PPP2R2A: variants seen among roughly 807,000 people sequenced by gnomAD.
PPP2R2A encodes serine/threonine-protein phosphatase 2A 55 kDa regulatory subunit B alpha isoform.
Under a neutral mutation model 53.2 loss-of-function variants are expected in PPP2R2A, and 9 were observed. The ratio of observed to expected loss-of-function variants is 0.17; its 90% CI spans 0.10 to 0.30. The LOEUF (loss-of-function observed/expected upper bound fraction) is 0.30. Among genes scored for constraint, PPP2R2A ranks in the 10% least tolerant of loss-of-function variants. The probability of loss-of-function intolerance (pLI) is 1.00; values close to 1 mark genes in which losing one functional copy is unlikely to be tolerated. For synonymous variants in PPP2R2A, 169 were observed against 174.2 expected, an observed-to-expected ratio of 0.97 and a Z score of 0.23; for missense variants, 235 against 534.6, an observed-to-expected ratio of 0.44 and a Z score of 5.53.
intron 1 of PPP2R2A, 60 bp from the exon 2 acceptor site, chr8:26,293,606 T>A: frequency 6.7e-7 from 1 of 1,499,538 alleles, no homozygotes; most frequent in Non-Finnish European, 9.2e-7. Context: ...ACCATCTTTG[T>A]GTTTACGAGA....
At chr8:26,327,626 C>T (rs1426051470) in intron 2 of PPP2R2A, among the ~76,000 whole-genome samples, 1 of 152,174 alleles carries the variant, frequency 6.6e-6, no homozygotes, top group Admixed American at 6.5e-5. Context: ...AAAAGAGCGT[C>T]GTAGTGGTCT....
rs1392921524 is a variant in PPP2R2A at position 26,291,772 on chromosome 8, A to T, written c.-48A>T. On this transcript the variant is annotated 5_prime_UTR_variant, in exon 1 of 10. Transcript: ENST00000380737. ...CCCAGGTGAGGGGGGTGAGTTCAGG[A>T]AGCGGAGACCCCGAGGAACCCAGCA... The T allele has an allele frequency of 6.3e-7, 1 of 1,578,120 alleles. No individual in the cohort carries two copies.
intron 2 of PPP2R2A, among the ~76,000 whole-genome samples, chr8:26,305,352 C>CTAGTCTTTTTA (rs1767271190): frequency 6.6e-6 from 1 of 152,056 alleles, no homozygotes; most frequent in Non-Finnish European, 1.5e-5. Context: ...TCTCGAGCTC[C>CTAGTCTTTTTA]TAGTCTTTTT....
rs891669396 is a variant in PPP2R2A, at chr8:26,362,512, A to G, written c.638-172A>G. Reference sequence around the variant, plus strand: ...AGAGTGAAACTCCGTCTAAATAAAAATTAAAAAAAAAAGTTTTAATCCCTT... The same window carrying G: ...AGAGTGAAACTCCGTCTAAATAAAAGTTAAAAAAAAAAGTTTTAATCCCTT... On this transcript the variant is annotated intron_variant, in intron 6 of 9. Transcript: ENST00000380737. This position sits in a 1 kb window ranked among gnomAD's most constrained non-coding sequence, Gnocchi z 4.4. Among the ~76,000 whole-genome samples the G allele has an allele frequency of 6.6e-6, 1 of 152,078 alleles. No homozygotes were observed. Among genetic ancestry groups the G allele is most frequent in the Non-Finnish European group, 1.5e-5 (1 of 68,006 alleles).
At chr8:26,319,467 T>C (rs1416307805) in intron 2 of PPP2R2A, among the ~76,000 whole-genome samples, 1 of 128,798 alleles carries the variant, frequency 7.8e-6, no homozygotes, top group Non-Finnish European at 1.9e-5. Flanking sequence ...CACTTTCTAC[T>C]TTTTTTATAA....
At chr8:26,339,480 T>C (rs1803833304) in intron 3 of PPP2R2A, among the ~76,000 whole-genome samples, 1 of 152,214 alleles carries the variant, frequency 6.6e-6, no homozygotes, top group South Asian at 2.1e-4. Flanking sequence ...CAGTTGCATG[T>C]ACATGCATGT....
At chr8:26,359,408 G>C (rs964159316) in intron 4 of PPP2R2A, among the ~76,000 whole-genome samples, 2 of 152,186 alleles carry the variant, frequency 1.3e-5, no homozygotes, top group African/African-American at 4.8e-5. Context: ...CCATGGTTGC[G>C]TAAGATGTTG....
intron 3 of PPP2R2A, among the ~76,000 whole-genome samples, chr8:26,344,586 T>TAGAA (rs1219398103): frequency 6.6e-6 from 1 of 152,228 alleles, no homozygotes; most frequent in African/African-American, 2.4e-5. Flanking sequence ...GCCTTGGTTC[T>TAGAA]AGTCCTGGTA....
chr8:26,327,432 G>A (rs1402976555), intron 2 of PPP2R2A, among the ~76,000 whole-genome samples: 1 of 152,194 alleles, frequency 6.6e-6, no homozygotes, highest in Non-Finnish European at 1.5e-5. Flanking sequence ...GAACAGATGA[G>A]TAGGTCAAGC....
chr8:26,328,264 A>G (rs962070404), intron 2 of PPP2R2A, among the ~76,000 whole-genome samples: 1 of 152,300 alleles, frequency 6.6e-6, no homozygotes, highest in Non-Finnish European at 1.5e-5. Context: ...TTCTCAATAT[A>G]TTTATACTTC....
rs1481491495 is a variant in PPP2R2A, at chr8:26,321,124, C to T, written c.83-17766C>T. Among the ~76,000 whole-genome samples the T allele has an allele frequency of 6.6e-5, 10 of 152,136 alleles. No individual in the cohort carries two copies. Among genetic ancestry groups the T allele is most frequent in the African/African-American group, 1.2e-4 (5 of 41,414 alleles). ...AGGAAACAGTACAAACAAGAAACAT[C>T]GTGAGAGAAGGCCTTAGTGTTCATT... On this transcript the variant is annotated intron_variant, in intron 2 of 9. Coordinates refer to ENST00000380737, the MANE Select transcript of PPP2R2A (RefSeq NM_002717.4). This position sits in a 1 kb window ranked among gnomAD's most constrained non-coding sequence, Gnocchi z 4.1.
intron 1 of PPP2R2A, chr8:26,293,195 T>C: frequency 6.6e-7 from 1 of 1,526,568 alleles, no homozygotes; most frequent in Non-Finnish European, 8.8e-7. Flanking sequence ...TTGCTGTGTG[T>C]GCACTTTGGT....
intron 3 of PPP2R2A, among the ~76,000 whole-genome samples, chr8:26,349,251 G>T (rs1037648057): frequency 6.6e-6 from 1 of 151,156 alleles, no homozygotes; most frequent in African/African-American, 2.4e-5. Flanking sequence ...TGTGTGTTTT[G>T]TTGGGGATTT....
chr8:26,307,684 A>G (rs1255879584), intron 2 of PPP2R2A, among the ~76,000 whole-genome samples: 1 of 152,238 alleles, frequency 6.6e-6, no homozygotes, highest in Admixed American at 6.5e-5. Context: ...AACTTTGATT[A>G]TAAATGTCTG....
chr8:26,344,192 TCTTA>T (rs1804094999), intron 3 of PPP2R2A, among the ~76,000 whole-genome samples: 2 of 152,218 alleles, frequency 1.3e-5, no homozygotes, highest in South Asian at 4.1e-4. Flanking sequence ...GATCCCTAAA[TCTTA>T]CTTAATCATC....
At chr8:26,331,591 A>T (rs574099290) in intron 2 of PPP2R2A, among the ~76,000 whole-genome samples, 1 of 152,308 alleles carries the variant, frequency 6.6e-6, no homozygotes, top group African/African-American at 2.4e-5. Context: ...CAGGAAGTCA[A>T]ATGTTATTTG....
intron 2 of PPP2R2A, among the ~76,000 whole-genome samples, chr8:26,326,589 T>C (rs1244055046): frequency 1.3e-5 from 2 of 152,156 alleles, no homozygotes; most frequent in Non-Finnish European, 2.9e-5. Context: ...TTTGTAAAGA[T>C]TTTAGGGAGA....
chr8:26,360,019 A>C lies in PPP2R2A; in HGVS notation c.347-150A>C. On this transcript the variant is annotated intron_variant, in intron 4 of 9. Coordinates refer to ENST00000380737, the MANE Select transcript of PPP2R2A (RefSeq NM_002717.4). The surrounding 1 kb of genome is among the most constrained non-coding windows in gnomAD (Gnocchi z 4.5). ...TCCATGTGTGTATGTTATTCAGCTG[A>C]TAATAGGAAATTTTTTAGTAAGTTC... 1 of 497,794 alleles carries C rather than the reference A, an allele frequency of 2.0e-6. No homozygotes were observed. 30.8% of individuals were successfully genotyped at this position (497,794 alleles called of 1,614,324 possible).
At chr8:26,303,752 A>T (rs572047073) in intron 2 of PPP2R2A, among the ~76,000 whole-genome samples, 139 of 151,698 alleles carry the variant, frequency 9.2e-4, no homozygotes, top group African/African-American at 3.1e-3. Flanking sequence ...AATGTAATTT[A>T]AAAAAAAACT....
Sources: allele counts gnomAD v4.1 joint callset (sites outside exome capture counted in the v4.1 genomes callset), GRCh38; gene constraint gnomAD v4.1.1; non-coding constraint Gnocchi (gnomAD v3.1); transcripts MANE v1.5; gene names NCBI Gene and HGNC (gene_info 2026-07-23, HGNC 2026-07-21).